Variants in CTNNA2 observed in about 807,000 individuals in gnomAD.
The protein encoded by CTNNA2 is catenin alpha 2.
CTNNA2 carries 42 observed loss-of-function variants against 101.0 expected under a neutral mutation model. That is an observed-to-expected ratio of 0.42 (90% CI 0.32 to 0.54). The LOEUF is 0.54. Ranked by LOEUF, CTNNA2 falls within the 20% of genes least tolerant of loss-of-function variation. The pLI, the probability that CTNNA2 is intolerant of heterozygous loss-of-function variation, is 0.14. For missense variants in CTNNA2, 871 were observed against 1,223.1 expected (o/e 0.71, Z 4.29); for synonymous variants, 450 against 456.4 (o/e 0.99, Z 0.18).
chr2:79,546,085 T>A (rs2104017314), intron 1 of CTNNA2, among the ~76,000 whole-genome samples: 1 of 152,242 alleles, frequency 6.6e-6, no homozygotes, highest in African/African-American at 2.4e-5. Flanking sequence ...TAGTTGCTGT[T>A]CTTAACCATG....
chr2:80,606,391 CA>C (rs1698011999), intron 16 of CTNNA2, among the ~76,000 whole-genome samples: 1 of 117,034 alleles, frequency 8.5e-6, no homozygotes, highest in African/African-American at 3.6e-5. Flanking sequence ...CACACACACA[CA>C]CACACACACA....
At chr2:79,856,402 A>AT (rs2103940191) in intron 3 of CTNNA2, among the ~76,000 whole-genome samples, 1 of 152,316 alleles carries the variant, frequency 6.6e-6, no homozygotes, top group South Asian at 2.1e-4. Context: ...CAGACTTTCC[A>AT]TGCTATCATT....
At chr2:80,643,995 A>C (rs1673774607) in intron 18 of CTNNA2, among the ~76,000 whole-genome samples, 1 of 152,208 alleles carries the variant, frequency 6.6e-6, no homozygotes, top group African/African-American at 2.4e-5. Flanking sequence ...TTTAGGGGAC[A>C]GGCTTCCAGC....
At chr2:79,667,248 CCTCTTG>C (rs1682485088) in intron 2 of CTNNA2, among the ~76,000 whole-genome samples, 1 of 152,076 alleles carries the variant, frequency 6.6e-6, no homozygotes, top group Non-Finnish European at 1.5e-5. Context: ...GAGAGTAGTC[CCTCTTG>C]GGCCGTCATG....
chr2:80,088,836 T>A (rs1301564953), intron 7 of CTNNA2, among the ~76,000 whole-genome samples: 1 of 152,034 alleles, frequency 6.6e-6, no homozygotes, highest in Non-Finnish European at 1.5e-5. Context: ...CCCTGAGACT[T>A]TGGCTTAAAT....
At chr2:80,331,979 T>C (rs538941993) in intron 7 of CTNNA2, among the ~76,000 whole-genome samples, 2 of 152,266 alleles carry the variant, frequency 1.3e-5, no homozygotes, top group African/African-American at 2.4e-5. Context: ...TATCCTCCAC[T>C]GGAGGTACCA....
intron 3 of CTNNA2, among the ~76,000 whole-genome samples, chr2:79,353,855 C>T (rs1294565767): frequency 6.6e-6 from 1 of 152,150 alleles, no homozygotes; most frequent in Non-Finnish European, 1.5e-5. Flanking sequence ...ACTGTAAGAT[C>T]AGTCTAGTGG....
At chr2:79,854,318 G>C (rs925294312) in intron 3 of CTNNA2, among the ~76,000 whole-genome samples, 1 of 152,202 alleles carries the variant, frequency 6.6e-6, no homozygotes, top group Non-Finnish European at 1.5e-5. Context: ...TGGTATTAAT[G>C]AATAATGATC....
chr2:80,573,108 G>A (rs1694747447), intron 12 of CTNNA2: 1 of 152,148 alleles, frequency 6.6e-6, no homozygotes, highest in Admixed American at 6.5e-5. Flanking sequence ...GTTCAGGAAT[G>A]GAAATAGATG....
At chr2:80,628,053 C>A (rs1671869115) in intron 18 of CTNNA2, among the ~76,000 whole-genome samples, 1 of 152,054 alleles carries the variant, frequency 6.6e-6, no homozygotes, top group South Asian at 2.1e-4. Flanking sequence ...ATACAACTTG[C>A]AAGGGATATA....
intron 1 of CTNNA2, among the ~76,000 whole-genome samples, chr2:79,541,814 A>T (rs1673442228): frequency 6.6e-6 from 1 of 151,862 alleles, no homozygotes; most frequent in Non-Finnish European, 1.5e-5. Flanking sequence ...TGTAGTAGAG[A>T]CGGGGTTTCA....
At chr2:80,075,606 A>T (rs1485777105) in intron 7 of CTNNA2, among the ~76,000 whole-genome samples, 1 of 108,496 alleles carries the variant, frequency 9.2e-6, no homozygotes, top group Non-Finnish European at 1.8e-5. Context: ...ATAAATATTT[A>T]TACATGTATA....
intron 1 of CTNNA2, among the ~76,000 whole-genome samples, chr2:79,527,512 G>T (rs1446529686): frequency 6.6e-6 from 1 of 151,026 alleles, no homozygotes; most frequent in African/African-American, 2.4e-5. Context: ...AGGCCTGGTG[G>T]TTGGCACCTG....
chr2:79,581,351 C>A (rs1021694493), intron 1 of CTNNA2, among the ~76,000 whole-genome samples: 55 of 152,210 alleles, frequency 3.6e-4, no homozygotes, highest in African/African-American at 1.3e-3. Context: ...CATGGTGAAA[C>A]CCCATCTCTA....
chr2:79,690,646 G>A (rs957280231), intron 2 of CTNNA2, among the ~76,000 whole-genome samples: 3 of 151,742 alleles, frequency 2.0e-5, no homozygotes, highest in South Asian at 2.1e-4. Flanking sequence ...TGTATTATTC[G>A]CCCCATTTTG....
At chr2:80,414,390 T>C (rs1221161268) in intron 8 of CTNNA2, among the ~76,000 whole-genome samples, 1 of 152,210 alleles carries the variant, frequency 6.6e-6, no homozygotes, top group Non-Finnish European at 1.5e-5. Flanking sequence ...GTATCTCTAT[T>C]TATTTTCAAC....
intron 3 of CTNNA2, among the ~76,000 whole-genome samples, chr2:79,856,084 G>C (rs779992036): frequency 7.2e-5 from 11 of 152,216 alleles, no homozygotes; most frequent in Non-Finnish European, 1.6e-4. Flanking sequence ...TGTGCCACTA[G>C]AGTAGTGAAT....
chr2:79,239,165 T>C (rs1368088759), intron 2 of CTNNA2, among the ~76,000 whole-genome samples: 1 of 151,990 alleles, frequency 6.6e-6, no homozygotes, highest in African/African-American at 2.4e-5. Flanking sequence ...AAGACAATTC[T>C]AAGCAAAAAC....
rs77058403 is a variant in CTNNA2 at position 79,203,850 on chromosome 2, G to A, written c.-406+5774G>A. 1.8e-4 allele frequency among the ~76,000 whole-genome samples: 28 copies of A among 152,272 alleles called. 1 individual carries two copies. The East Asian group carries it at 5.2e-3, about 28-fold the overall frequency. On this transcript the variant is annotated intron_variant, in intron 2 of 21. Coordinates refer to the CTNNA2 transcript ENST00000466387. The stretch of plus-strand genomic sequence containing the variant: ...ACTTTTTTCCAATGAAGGCCCAAAG[G>A]TGTCATTTGTTCTTCCCTGTCTCAT...
Sources: gnomAD v4.1 joint callset for allele counts (sites outside exome capture counted in the v4.1 genomes callset) on GRCh38, gnomAD v4.1.1 for gene constraint, MANE v1.5 for transcripts, NCBI Gene and HGNC (gene_info 2026-07-23, HGNC 2026-07-21) for gene names.